Variants in SYNE1 observed in about 807,000 individuals in gnomAD.
The protein encoded by SYNE1 is spectrin repeat containing nuclear envelope protein 1.
SYNE1 carries 616 observed loss-of-function variants against 1,111.0 expected under a neutral mutation model. That is an observed-to-expected ratio of 0.55 (90% CI 0.52 to 0.59). SYNE1 has a LOEUF of 0.59. Ranked by LOEUF, SYNE1 falls within the 20% of genes least tolerant of loss-of-function variation. SYNE1 has a pLI of 0.00. For synonymous variants in SYNE1, 3,855 were observed against 3,825.8 expected (o/e 1.01, Z -0.28); for missense variants, 10,006 against 10,417.0 (o/e 0.96, Z 1.72).
chr6:152,142,968 C>T (rs1423720999), intron 138 of SYNE1, among the ~76,000 whole-genome samples: 1 of 152,196 alleles, frequency 6.6e-6, no homozygotes, highest in East Asian at 1.9e-4. Flanking sequence ...TTAAAATTCT[C>T]TTCCTTAAGT....
At chr6:152,416,074 C>A (rs1287977747) in intron 41 of SYNE1, among the ~76,000 whole-genome samples, 4 of 152,106 alleles carry the variant, frequency 2.6e-5, no homozygotes, top group Admixed American at 6.5e-5. Context: ...AGAAAAGAAG[C>A]AGGCAGGGAA....
At chr6:152,428,113 A>G (rs531289324) in intron 37 of SYNE1, 92 bp downstream of exon 37, 7 of 1,535,616 alleles carry the variant, frequency 4.6e-6, no homozygotes, top group African/African-American at 1.4e-5. Flanking sequence ...CGTCTTTTGC[A>G]TCTGGGATAA....
At chr6:152,214,773 C>G in intron 122 of SYNE1, 133 bp downstream of exon 122, 1 of 1,238,714 alleles carries the variant, frequency 8.1e-7, no homozygotes, top group South Asian at 1.3e-5. Context: ...TGCGGACTTC[C>G]CAGTCTCCAG....
intron 3 of SYNE1, among the ~76,000 whole-genome samples, chr6:152,581,000 C>T (rs1474196678): frequency 6.6e-6 from 1 of 152,198 alleles, no homozygotes; most frequent in African/African-American, 2.4e-5. Flanking sequence ...CTCTTGGCTT[C>T]TTATACAATG....
In SYNE1 at chr6:152,511,064, C is replaced by T. The variant is rs2099082465; in HGVS notation, c.349G>A (p.Gly117Ser). ...VNINSTDIADGRPSIVLGLMW... is the reference protein window; with the variant it reads ...VNINSTDIADSRPSIVLGLMW... Reference sequence around the variant, plus strand: ...AATCCAAGAACTATTGAGGGTCGGCCATCAGCTATATCGGTGGAGTTAATG... The same window carrying T: ...AATCCAAGAACTATTGAGGGTCGGCTATCAGCTATATCGGTGGAGTTAATG... The change falls in exon 7 of 146, where the codon GGC becomes AGC. Residue 117 changes from glycine (G) to serine (S), a missense_variant. By Grantham distance (56) the Gly-to-Ser change is moderately conservative. Around this residue, in one of 7 missense-constraint regions of SYNE1, gnomAD observed 1,971 missense variants for 2,084.1 expected, o/e 0.95. Transcript: ENST00000367255. 2 of 1,613,910 alleles carry T rather than the reference C, an allele frequency of 1.2e-6. No homozygotes were observed. The highest frequency in any genetic ancestry group is 4.5e-5 in the East Asian group (2 of 44,864).
At chr6:152,154,337 T>C (rs1402986797) in intron 133 of SYNE1, among the ~76,000 whole-genome samples, 1 of 152,114 alleles carries the variant, frequency 6.6e-6, no homozygotes, top group African/African-American at 2.4e-5. Flanking sequence ...CTCAGTGTAA[T>C]TGAAAAGTTT....
intron 33 of SYNE1, chr6:152,434,225 A>G (rs2098453858): frequency 5.0e-6 from 2 of 401,056 alleles, no homozygotes. Context: ...GTTTGAATCC[A>G]GGTAGAATCT....
intron 130 of SYNE1, among the ~76,000 whole-genome samples, chr6:152,171,496 C>T (rs1387416550): frequency 3.3e-5 from 5 of 152,076 alleles, no homozygotes; most frequent in African/African-American, 7.2e-5. Context: ...ACTGATCACA[C>T]AAGATTTCAC....
chr6:152,396,753 T>C (rs375019680), intron 50 of SYNE1, 22 bp downstream of exon 50: 2 of 1,608,170 alleles, frequency 1.2e-6, no homozygotes, highest in Non-Finnish European at 1.7e-6. Flanking sequence ...TGATGAAATC[T>C]ATGTTTGTTA....
At chr6:152,184,744 C>T (rs762947424) in intron 128 of SYNE1, among the ~76,000 whole-genome samples, 14 of 152,054 alleles carry the variant, frequency 9.2e-5, no homozygotes, top group African/African-American at 2.7e-4. Context: ...TTTCTTACCA[C>T]GGAGCTACAC....
intron 117 of SYNE1, among the ~76,000 whole-genome samples, chr6:152,222,924 A>G (rs1383637673): frequency 6.6e-6 from 1 of 152,244 alleles, no homozygotes; most frequent in Non-Finnish European, 1.5e-5. Context: ...GCCTATCTAA[A>G]TAGTCTGCTA....
At chr6:152,413,612 T>A in intron 41 of SYNE1, 81 bp from the exon 42 acceptor site, 2 of 1,400,006 alleles carry the variant, frequency 1.4e-6, no homozygotes, top group African/African-American at 1.4e-5. Flanking sequence ...ATATGATGAG[T>A]CCATAAAGCA....
chr6:152,327,599 A>T (rs2096111868), intron 78 of SYNE1, among the ~76,000 whole-genome samples: 1 of 152,232 alleles, frequency 6.6e-6, no homozygotes, highest in South Asian at 2.1e-4. Flanking sequence ...AGCACCAATT[A>T]GGGAAAGAAC....
At chr6:152,281,123 C>T (rs541497822) in intron 97 of SYNE1, among the ~76,000 whole-genome samples, 6 of 152,284 alleles carry the variant, frequency 3.9e-5, no homozygotes, top group South Asian at 2.1e-4. Context: ...AGGTATACTT[C>T]ACCCATGTGC....
chr6:152,483,028 C>T (rs1257180364), intron 14 of SYNE1, 57 bp downstream of exon 14: 81 of 1,605,276 alleles, frequency 5.0e-5, no homozygotes, highest in Non-Finnish European at 6.7e-5. Flanking sequence ...ACTAGGCTAC[C>T]TCTCCAGACC....
rs947249673 is a variant in SYNE1 at position 152,484,884 on chromosome 6, G to A, written c.1136C>T (p.Ser379Leu). 2 of 1,613,920 alleles carry A rather than the reference G, an allele frequency of 1.2e-6. No homozygotes were observed. Among genetic ancestry groups the A allele is most frequent in the Non-Finnish European group, 1.7e-6 (2 of 1,179,956 alleles). Residue 379 changes from serine (S) to leucine (L), a missense_variant, in exon 13 of 146, where the codon TCA becomes TTA. Ser to Leu is a moderately radical substitution (Grantham distance 145, BLOSUM62 -2). Transcript: ENST00000367255. ...IQPLHRDGKL[S>L]LDQALVKQSW... Reference sequence around the variant, plus strand: ...TTGTTTTACCAATGCTTGGTCAAGTGACAATTTACCGTCTCTGTGTAATGG... The same window carrying A: ...TTGTTTTACCAATGCTTGGTCAAGTAACAATTTACCGTCTCTGTGTAATGG...
In SYNE1 at chr6:152,317,234, C is replaced by CTT. The variant is rs61399339; in HGVS notation, c.16573-250_16573-249dup. On this transcript the variant is annotated intron_variant, in intron 86 of 145. Transcript: ENST00000367255. ...TCTTTTTCTTTCTTTTTTCTTTTTT[C>CTT]TTTTTTTTTTTTTTCCAAGGTCTTA... 3.7e-3 allele frequency among the ~76,000 whole-genome samples: 503 copies of CTT among 135,884 alleles called. 8 individuals are homozygous for CTT. Among genetic ancestry groups the CTT allele is most frequent in the African/African-American group, 0.012 (434 of 36,870 alleles). 89.1% of individuals were successfully genotyped at this position (135,884 alleles called of 152,430 possible). A position where few individuals can be genotyped will look rare whatever the true frequency, so the allele number is the denominator to read the frequency against.
At chr6:152,517,740 A>G (rs1244781183) in intron 6 of SYNE1, among the ~76,000 whole-genome samples, 2 of 152,202 alleles carry the variant, frequency 1.3e-5, no homozygotes, top group East Asian at 3.9e-4. Context: ...CATTTATGGT[A>G]TGCTATCCTT....
In SYNE1 at chr6:152,155,929, A is replaced by G. The variant is rs1361655889; in HGVS notation, c.23959T>C (p.Ser7987Pro). 3 of 1,613,886 alleles carry G rather than the reference A, an allele frequency of 1.9e-6. No individual in the cohort carries two copies. The highest frequency in any genetic ancestry group is 1.3e-5 in the African/African-American group (1 of 74,854). ...DRRWRNICAM[S>P]MERRLKIEET... Reference sequence around the variant, plus strand: ...GCTCACTTCAGCCTCCTTTCCATGGACATAGCACAAATGTTTCTCCACCGC... The same window carrying G: ...GCTCACTTCAGCCTCCTTTCCATGGGCATAGCACAAATGTTTCTCCACCGC... Residue 7987 changes from serine to proline, a missense_variant, in exon 132 of 146, where the codon TCC becomes CCC. Coordinates refer to ENST00000367255, the MANE Select transcript of SYNE1 (RefSeq NM_182961.4).
Sources: gnomAD v4.1 joint callset for allele counts (sites outside exome capture counted in the v4.1 genomes callset) on GRCh38, gnomAD v4.1.1 for gene constraint, gnomAD v4.1.1 regional missense constraint, MANE v1.5 for transcripts, NCBI Gene and HGNC (gene_info 2026-07-23, HGNC 2026-07-21) for gene names.